The following FEM1C variants were observed in gnomAD, a reference collection of about 807,000 sequenced individuals.
FEM1C encodes fem-1 homolog C, also known as protein fem-1 homolog C.
Under a neutral mutation model 37.6 loss-of-function variants are expected in FEM1C, and 15 were observed. The observed-to-expected ratio is 0.40, with a 90% confidence interval of 0.27 to 0.61. The LOEUF (loss-of-function observed/expected upper bound fraction) is 0.61. FEM1C is among the 20% of genes least tolerant of loss of function. FEM1C has a pLI of 0.42. For missense variants in FEM1C, 532 were observed against 749.7 expected, an observed-to-expected ratio of 0.71 and a Z score of 3.39; for synonymous variants, 287 against 272.8, an observed-to-expected ratio of 1.05 and a Z score of -0.51.
intron 2 of FEM1C, among the ~76,000 whole-genome samples, chr5:115,542,048 A>T (rs1375604385): frequency 1.3e-5 from 2 of 152,136 alleles, no homozygotes; most frequent in Non-Finnish European, 2.9e-5. Flanking sequence ...ATGGCTTTTA[A>T]AAATTAGGTA....
intron 1 of FEM1C, chr5:115,544,238 C>T: frequency 2.3e-5 from 22 of 943,526 alleles, no homozygotes; most frequent in Non-Finnish European, 2.8e-5. Context: ...TCATTAACTT[C>T]GCCCGCCCCA....
At position 115,529,537 on chromosome 5, in the gene FEM1C, A is replaced by AT. The variant is rs1753973628; in HGVS notation, c.545-3921dup. 2.0e-5 allele frequency among the ~76,000 whole-genome samples: 3 copies of AT among 152,106 alleles called. No homozygotes were observed. The South Asian group carries it at 6.2e-4, about 31-fold the overall frequency. On this transcript the variant is annotated intron_variant, in intron 2 of 2. Transcript: ENST00000274457. The stretch of plus-strand genomic sequence containing the variant: ...TATTACCAGCAGATCTAAATACTAT[A>AT]TGGTGTTCTTTAGGCAGAAGGAAGA...
chr5:115,526,670 A>C (rs1164276128), intron 2 of FEM1C, among the ~76,000 whole-genome samples: 3 of 152,200 alleles, frequency 2.0e-5, no homozygotes, highest in African/African-American at 7.2e-5. Flanking sequence ...AAATTTCAAC[A>C]GTCAGTCATT....
intron 2 of FEM1C, among the ~76,000 whole-genome samples, chr5:115,534,602 T>C (rs1754085842): frequency 6.6e-6 from 1 of 151,934 alleles, no homozygotes; most frequent in African/African-American, 2.4e-5. Context: ...TAAACCACCC[T>C]CACGGAGTAG....
rs183675051 is a variant in FEM1C at position 115,520,969 on chromosome 5, T to C, written c.*3339A>G. 1 of 152,080 alleles carries C rather than the reference T, an allele frequency of 6.6e-6. No individual in the cohort carries two copies. Among genetic ancestry groups the C allele is most frequent in the African/African-American group, 2.4e-5 (1 of 41,484 alleles). The allele number at this position is 152,080 out of a possible 1,614,324, so 9.4% of individuals were successfully genotyped here. On this transcript the variant is annotated 3_prime_UTR_variant, in exon 3 of 3. Transcript: ENST00000274457. ...AATGTTGTGGCATATGATTTTCCAT[T>C]GTGTGACAATTTATTAGCTGGCATC...
chr5:115,523,502 A>G lies in FEM1C; in HGVS notation c.*806T>C, dbSNP rs1466548011. 1 of 152,506 alleles carries G rather than the reference A, an allele frequency of 6.6e-6. No individual in the cohort carries two copies. Among genetic ancestry groups the G allele is most frequent in the East Asian group, 1.9e-4 (1 of 5,190 alleles). 9.4% of individuals were successfully genotyped at this position (152,506 alleles called of 1,614,324 possible). A position where few individuals can be genotyped will look rare whatever the true frequency, so the allele number is the denominator to read the frequency against. On this transcript the variant is annotated 3_prime_UTR_variant, in exon 3 of 3. Coordinates refer to ENST00000274457, the MANE Select transcript of FEM1C (RefSeq NM_020177.3). ...ACAGACCTAAATTTCAACTGGGTTA[A>G]TGAGTTAGAATAGATCTGTTTCCCA... is the stretch of plus-strand genomic sequence containing the variant.
At chr5:115,541,852 G>C (rs989046250) in intron 2 of FEM1C, among the ~76,000 whole-genome samples, 2 of 152,026 alleles carry the variant, frequency 1.3e-5, no homozygotes, top group African/African-American at 2.4e-5. Flanking sequence ...ACATAGACAA[G>C]TATGCTTGTA....
rs762788715 is a variant in FEM1C, at chr5:115,524,451, T to C, written c.1711A>G (p.Lys571Glu). 6.2e-7 allele frequency: 1 copy of C among 1,613,294 alleles called. No homozygotes were observed. Among genetic ancestry groups the C allele is most frequent in the Non-Finnish European group, 8.5e-7 (1 of 1,179,620 alleles). Residue 571 changes from lysine to glutamate, a missense_variant, in exon 3 of 3, where the codon AAG becomes GAG. Lys to Glu is a moderately conservative substitution (Grantham distance 56). Around this residue, in one of 3 missense-constraint regions of FEM1C, gnomAD observed 237 missense variants for 260.5 expected, o/e 0.91. Transcript: ENST00000274457. ...KQTASDLLDE[K>E]EIAKNLIQPI... is the part of the protein sequence containing the mutation. ...TGGATTAAATTTTTAGCTATTTCCT[T>C]CTCATCCAGCAAGTCACTAGCAGTT...
rs953056294 is a variant in FEM1C, at chr5:115,520,958, T to C, written c.*3350A>G. 13 of 151,964 alleles carry C rather than the reference T, an allele frequency of 8.6e-5. No homozygotes were observed. Among genetic ancestry groups the C allele is most frequent in the African/African-American group, 3.1e-4 (13 of 41,370 alleles). 9.4% of individuals were successfully genotyped at this position (151,964 alleles called of 1,614,324 possible). ...ACCTTACAATGAATGTTGTGGCATA[T>C]GATTTTCCATTGTGTGACAATTTAT... On this transcript the variant is annotated 3_prime_UTR_variant, in exon 3 of 3. Coordinates refer to ENST00000274457, the MANE Select transcript of FEM1C (RefSeq NM_020177.3).
At chr5:115,529,177 A>C (rs1023734855) in intron 2 of FEM1C, among the ~76,000 whole-genome samples, 6 of 152,232 alleles carry the variant, frequency 3.9e-5, no homozygotes, top group African/African-American at 1.2e-4. Flanking sequence ...ATGAAAGCTT[A>C]AACTGCAAAT....
In FEM1C at chr5:115,543,047, C is replaced by T. The variant is rs1192019019; in HGVS notation, c.447G>A (p.Gly149=). The T allele has an allele frequency of 1.5e-5, 25 of 1,614,120 alleles. No individual in the cohort carries two copies. Among genetic ancestry groups the T allele is most frequent in the Non-Finnish European group, 1.9e-5 (23 of 1,180,046 alleles). ...KADLEVSNRH[G]HTCLMISCYK... ...AACATGAAATCATCAAGCACGTATG[C>T]CCATGTCGGTTTGACACTTCCAAAT... The change falls in exon 2 of 3, where the codon GGG becomes GGA. Residue 149 remains glycine, a synonymous_variant. Coordinates refer to ENST00000274457, the MANE Select transcript of FEM1C (RefSeq NM_020177.3).
chr5:115,543,381 T>C lies in FEM1C; in HGVS notation c.113A>G (p.Lys38Arg). The C allele has an allele frequency of 4.3e-6, 7 of 1,614,162 alleles. No homozygotes were observed. The highest frequency in any genetic ancestry group is 5.9e-6 in the Non-Finnish European group (7 of 1,180,018). ...KEEVSSLISEKTNGATPLLMA... is the reference protein window; with the variant it reads ...KEEVSSLISERTNGATPLLMA... ...CAAGAGTGGCGTGGCCCCATTTGTT[T>C]TTTCAGAGATCAAGGAGGAAACCTC... is the stretch of plus-strand genomic sequence containing the variant. The change falls in exon 2 of 3, where the codon AAA becomes AGA. Residue 38 changes from lysine to arginine, a missense_variant. By Grantham distance (26) the Lys-to-Arg change is conservative. Coordinates refer to ENST00000274457, the MANE Select transcript of FEM1C (RefSeq NM_020177.3).
rs1224280589 is a variant in FEM1C at position 115,522,022 on chromosome 5, C to A, written c.*2286G>T. The A allele has an allele frequency of 1.3e-5, 2 of 151,770 alleles. No individual in the cohort carries two copies. The highest frequency in any genetic ancestry group is 4.8e-5 in the African/African-American group (2 of 41,388). 9.4% of individuals were successfully genotyped at this position (151,770 alleles called of 1,614,324 possible). ...ATCTATTTTTACTGGTGCAAAAATGCTATTTAAAGAAATCCTTACTTTACA... is the reference window on the plus strand; with the variant it reads ...ATCTATTTTTACTGGTGCAAAAATGATATTTAAAGAAATCCTTACTTTACA... On this transcript the variant is annotated 3_prime_UTR_variant, in exon 3 of 3. Transcript: ENST00000274457.
chr5:115,536,835 C>A (rs1410990457), intron 2 of FEM1C, among the ~76,000 whole-genome samples: 1 of 151,906 alleles, frequency 6.6e-6, no homozygotes, highest in South Asian at 2.1e-4. Flanking sequence ...CAAAGTTAAA[C>A]GCTAAAAAAT....
At chr5:115,528,281 G>A (rs1309885374) in intron 2 of FEM1C, among the ~76,000 whole-genome samples, 1 of 152,076 alleles carries the variant, frequency 6.6e-6, no homozygotes, top group African/African-American at 2.4e-5. Context: ...ACAATATGCA[G>A]GAGAAGAAAA....
At chr5:115,544,384 C>T (rs1580388022) in intron 1 of FEM1C, 139 bp downstream of exon 1, 1 of 158,490 alleles carries the variant, frequency 6.3e-6, no homozygotes, top group Non-Finnish European at 1.4e-5. Flanking sequence ...GACCACAACC[C>T]CCTCCCGATG....
chr5:115,537,378 G>C (rs1005693064), intron 2 of FEM1C, among the ~76,000 whole-genome samples: 1 of 152,012 alleles, frequency 6.6e-6, no homozygotes, highest in Non-Finnish European at 1.5e-5. Context: ...TTACTGCCAC[G>C]AACAATATGA....
At chr5:115,543,761 TG>T in intron 1 of FEM1C, 78 bp from the exon 2 acceptor site, 14 of 1,245,542 alleles carry the variant, frequency 1.1e-5, no homozygotes, top group Non-Finnish European at 1.2e-5. Flanking sequence ...TCCACTTCTG[TG>T]GGAAGAAAGG....
intron 1 of FEM1C, 184 bp from the exon 2 acceptor site, chr5:115,543,867 G>A: frequency 2.0e-6 from 2 of 984,438 alleles, no homozygotes; most frequent in Non-Finnish European, 2.4e-6. Context: ...GATACACAGA[G>A]ACCCAAATGT....
Sources: gnomAD v4.1 joint callset for allele counts (sites outside exome capture counted in the v4.1 genomes callset) on GRCh38, gnomAD v4.1.1 for gene constraint, gnomAD v4.1.1 regional missense constraint, MANE v1.5 for transcripts, NCBI Gene and HGNC (gene_info 2026-07-23, HGNC 2026-07-21) for gene names.